ZFYVE28: variants seen among roughly 807,000 people sequenced by gnomAD.
ZFYVE28 encodes the protein lateral signaling target protein 2 homolog.
In ZFYVE28, 40 loss-of-function variants were observed where a neutral mutation model predicts 82.1. That is an observed-to-expected ratio of 0.49 (90% CI 0.38 to 0.63). ZFYVE28 has a LOEUF of 0.63. Ranked by LOEUF, ZFYVE28 falls within the 30% of genes least tolerant of loss-of-function variation. The probability of loss-of-function intolerance (pLI) is 0.00; values close to 1 mark genes in which losing one functional copy is unlikely to be tolerated. For synonymous variants in ZFYVE28, 612 were observed against 546.1 expected, an observed-to-expected ratio of 1.12 and a Z score of -1.68; for missense variants, 1,321 against 1,242.1, an observed-to-expected ratio of 1.06 and a Z score of -0.96.
intron 6 of ZFYVE28, chr4:2,328,680 A>G (rs1720234085): frequency 6.4e-6 from 1 of 155,954 alleles, no homozygotes; most frequent in South Asian, 2.1e-4. Context: ...CCAGTTTATC[A>G]TTATAAAAAG....
chr4:2,302,661 C>T (rs904328466), intron 8 of ZFYVE28, among the ~76,000 whole-genome samples: 6 of 152,218 alleles, frequency 3.9e-5, no homozygotes, highest in Non-Finnish European at 7.3e-5. Context: ...TGTGTCCACA[C>T]AAAAACTTGG....
chr4:2,356,009 C>T (rs993987701), intron 1 of ZFYVE28, among the ~76,000 whole-genome samples: 2 of 152,214 alleles, frequency 1.3e-5, no homozygotes, highest in Admixed American at 6.5e-5. Context: ...CCGTCGGGGC[C>T]GTTTCCTCCG....
intron 2 of ZFYVE28, among the ~76,000 whole-genome samples, chr4:2,342,246 A>C (rs1722936258): frequency 6.6e-6 from 1 of 152,168 alleles, no homozygotes; most frequent in African/African-American, 2.4e-5. Flanking sequence ...AGCAACGCAT[A>C]AGTCAGTCTG....
intron 10 of ZFYVE28, among the ~76,000 whole-genome samples, chr4:2,272,634 G>C (rs1364336815): frequency 6.6e-6 from 1 of 152,224 alleles, no homozygotes; most frequent in Non-Finnish European, 1.5e-5. Flanking sequence ...GCTGTGTCAA[G>C]CATGTGTGAT....
At chr4:2,378,732 C>T (rs1017524899) in intron 1 of ZFYVE28, among the ~76,000 whole-genome samples, 1 of 152,198 alleles carries the variant, frequency 6.6e-6, no homozygotes, top group Non-Finnish European at 1.5e-5. Flanking sequence ...ACCCCTGCTC[C>T]ATCCACCCAC....
chr4:2,301,879 C>T (rs1715591764), intron 8 of ZFYVE28, among the ~76,000 whole-genome samples: 1 of 152,210 alleles, frequency 6.6e-6, no homozygotes, highest in Non-Finnish European at 1.5e-5. Flanking sequence ...TCAAAAACGG[C>T]CTCACCCAAA....
Position 2,335,809 on chromosome 4 carries a change from G to T in ZFYVE28, c.612-15C>A. On this transcript the variant is annotated splice_polypyrimidine_tract_variant and intron_variant, in intron 5 of 12. Transcript: ENST00000290974. The surrounding 1 kb of genome is among the most constrained non-coding windows in gnomAD (Gnocchi z 5.8). The stretch of plus-strand genomic sequence containing the variant: ...AGTCCAGGGCCCTGTCCGGGGAGAC[G>T]GACAGTGAGCAGCATGAGGGCTGGC... 1 of 1,552,258 alleles carries T rather than the reference G, an allele frequency of 6.4e-7. No individual in the cohort carries two copies. Among genetic ancestry groups the T allele is most frequent in the Non-Finnish European group, 8.7e-7 (1 of 1,147,162 alleles).
At chr4:2,299,336 C>T (rs977411884) in intron 8 of ZFYVE28, among the ~76,000 whole-genome samples, 1 of 151,848 alleles carries the variant, frequency 6.6e-6, no homozygotes, top group Non-Finnish European at 1.5e-5. Context: ...GAAGTGTTGG[C>T]GAGGGATGGC....
chr4:2,389,942 A>G (rs1422380047), intron 1 of ZFYVE28, among the ~76,000 whole-genome samples: 4 of 152,096 alleles, frequency 2.6e-5, no homozygotes, highest in African/African-American at 9.7e-5. Context: ...TGGACGCCCA[A>G]CGCCTCCCTT....
intron 2 of ZFYVE28, among the ~76,000 whole-genome samples, chr4:2,351,758 C>T (rs1310301996): frequency 6.6e-6 from 1 of 152,184 alleles, no homozygotes; most frequent in African/African-American, 2.4e-5. Context: ...AGATGCTGAT[C>T]CCAAGTCCAG....
In ZFYVE28 at chr4:2,387,991, C is replaced by A. The variant is rs1729449479; in HGVS notation, c.39+30294G>T. ...AGATCTGCAGCCCTGTGTCTGGAGT[C>A]GCCACCCTCGGACACAGCCAAGACA... On this transcript the variant is annotated intron_variant, in intron 1 of 12. Transcript: ENST00000290974. Among the ~76,000 whole-genome samples, 4 of 152,210 alleles carry A rather than the reference C, an allele frequency of 2.6e-5. 1 individual carries two copies.
chr4:2,387,068 GC>G (rs1401321595), intron 1 of ZFYVE28, among the ~76,000 whole-genome samples: 1 of 151,722 alleles, frequency 6.6e-6, no homozygotes, highest in Non-Finnish European at 1.5e-5. Context: ...CGGGGCCGGG[GC>G]CGGGGCCGGG....
chr4:2,315,595 G>A (rs897860087), intron 7 of ZFYVE28, among the ~76,000 whole-genome samples: 10 of 152,152 alleles, frequency 6.6e-5, no homozygotes, highest in Admixed American at 5.9e-4. Context: ...TTAAATATAC[G>A]TTATTTCACT....
chr4:2,375,904 G>A (rs958767411), intron 1 of ZFYVE28, among the ~76,000 whole-genome samples: 7 of 149,612 alleles, frequency 4.7e-5, no homozygotes, highest in South Asian at 2.1e-4. Flanking sequence ...ATGGAGTTTC[G>A]CTCTTTTTGC....
chr4:2,399,512 G>T (rs1730939928), intron 1 of ZFYVE28, among the ~76,000 whole-genome samples: 1 of 152,196 alleles, frequency 6.6e-6, no homozygotes, highest in Non-Finnish European at 1.5e-5. Context: ...GAAGGCCGGG[G>T]CCTCTGACAT....
intron 1 of ZFYVE28, among the ~76,000 whole-genome samples, chr4:2,360,459 A>G (rs1180832338): frequency 6.6e-6 from 1 of 151,348 alleles, no homozygotes; most frequent in Non-Finnish European, 1.5e-5. Context: ...ACCCCGTGCT[A>G]TTTGAAAAGC....
intron 1 of ZFYVE28, among the ~76,000 whole-genome samples, chr4:2,382,060 C>A (rs1728779214): frequency 6.6e-6 from 1 of 152,238 alleles, no homozygotes; most frequent in African/African-American, 2.4e-5. Flanking sequence ...TGGTGTTGAG[C>A]CTGCGAGTGC....
chr4:2,304,261 C>A, intron 8 of ZFYVE28, 28 bp downstream of exon 8: 2 of 1,531,118 alleles, frequency 1.3e-6, no homozygotes. Context: ...GAGGACAAAC[C>A]CAGTCTCTGG....
rs1354075012 is a variant in ZFYVE28, at chr4:2,341,875, C to A, written c.181-260G>T. The stretch of plus-strand genomic sequence containing the variant: ...TCTCTACTAAAAATACAAAAATTAG[C>A]CGGGCGTGGTAGCGCACACCTGTAA... On this transcript the variant is annotated intron_variant, in intron 2 of 12. Transcript: ENST00000290974. This position sits in a 1 kb window ranked among gnomAD's most constrained non-coding sequence, Gnocchi z 4.5. Among the ~76,000 whole-genome samples, 2 of 152,168 alleles carry A rather than the reference C, an allele frequency of 1.3e-5. No homozygotes were observed. Among genetic ancestry groups the A allele is most frequent in the South Asian group, 4.1e-4 (2 of 4,826 alleles).
Sources: allele counts gnomAD v4.1 joint callset (sites outside exome capture counted in the v4.1 genomes callset), GRCh38; gene constraint gnomAD v4.1.1; non-coding constraint Gnocchi (gnomAD v3.1); transcripts MANE v1.5; gene names NCBI Gene and HGNC (gene_info 2026-07-23, HGNC 2026-07-21).